The following PIP4P2 variants were observed in gnomAD, a reference collection of about 807,000 sequenced individuals.
The protein encoded by PIP4P2 is type 2 phosphatidylinositol 4,5-bisphosphate 4-phosphatase.
PIP4P2 carries 19 observed loss-of-function variants against 33.3 expected under a neutral mutation model. The observed-to-expected ratio is 0.57, with a 90% CI of 0.40 to 0.84. The LOEUF (loss-of-function observed/expected upper bound fraction) is 0.84, where lower values mean the gene tolerates loss of function less well. Among genes scored for constraint, PIP4P2 ranks in the 40% least tolerant of loss-of-function variants. PIP4P2 has a pLI of 0.00. For missense variants in PIP4P2, 270 were observed against 324.7 expected, an observed-to-expected ratio of 0.83 and a Z score of 1.29; for synonymous variants, 110 against 111.9, an observed-to-expected ratio of 0.98 and a Z score of 0.11.
intron 1 of PIP4P2, among the ~76,000 whole-genome samples, chr8:91,037,041 A>C (rs1237513758): frequency 1.3e-5 from 2 of 152,214 alleles, no homozygotes; most frequent in East Asian, 3.8e-4. Flanking sequence ...TGTACTTTAC[A>C]AAAGACCAAG....
chr8:91,015,182 G>A (rs113122103), intron 4 of PIP4P2, among the ~76,000 whole-genome samples: 4 of 152,254 alleles, frequency 2.6e-5, no homozygotes, highest in Admixed American at 6.5e-5. Context: ...GCTCCTAAAA[G>A]GCTGTCTCTC....
At chr8:91,007,062 A>G (rs946192453) in intron 5 of PIP4P2, among the ~76,000 whole-genome samples, 2 of 152,064 alleles carry the variant, frequency 1.3e-5, no homozygotes, top group Admixed American at 6.6e-5. Context: ...AATTTTGTAC[A>G]TTTTCGTGAA....
intron 4 of PIP4P2, among the ~76,000 whole-genome samples, chr8:91,013,502 G>A (rs1303458795): frequency 6.6e-6 from 1 of 151,964 alleles, no homozygotes; most frequent in Non-Finnish European, 1.5e-5. Context: ...GGTAACTATA[G>A]AGTACGTTAG....
At chr8:91,004,819 G>A (rs1405036247) in intron 5 of PIP4P2, among the ~76,000 whole-genome samples, 2 of 152,166 alleles carry the variant, frequency 1.3e-5, no homozygotes, top group Admixed American at 1.3e-4. Flanking sequence ...AGAGATAGGA[G>A]GCAATTCATT....
At chr8:91,006,077 A>C (rs1222597813) in intron 5 of PIP4P2, among the ~76,000 whole-genome samples, 1 of 152,218 alleles carries the variant, frequency 6.6e-6, no homozygotes, top group African/African-American at 2.4e-5. Flanking sequence ...AAATTTACCA[A>C]CTTCTGTAAC....
chr8:91,011,019 G>GAGATT (rs1554582257), intron 4 of PIP4P2, among the ~76,000 whole-genome samples: 2 of 145,276 alleles, frequency 1.4e-5, no homozygotes, highest in African/African-American at 5.2e-5. Context: ...GTATCTTACT[G>GAGATT]AGATAGATAG....
At chr8:91,040,591 T>TTTCCTTGCAAATCTAC in intron 1 of PIP4P2, 53 bp downstream of exon 1, 1 of 1,600,110 alleles carries the variant, frequency 6.2e-7, no homozygotes. Context: ...CTTCTGGGCG[T>TTTCCTTGCAAATCTAC]TTCCTTGCAA....
rs1192592524 is a variant in PIP4P2, at chr8:91,040,835, CGCTGCTGCCGCTGCAGCTGCTGCT to C, written c.-110_-87del. The C allele has an allele frequency of 1.8e-5, 21 of 1,167,206 alleles. No homozygotes were observed. The highest frequency in any genetic ancestry group is 2.4e-5 in the Non-Finnish European group (20 of 825,142). The allele number at this position is 1,167,206 out of a possible 1,614,324, so 72.3% of individuals were successfully genotyped here. ...TGGCTACTGCTGCTGCCTCTGCTGC[CGCTGCTGCCGCTGCAGCTGCTGCT>C]GCTGCCGCCTCCGGGAGGGCCCGGG... On this transcript the variant is annotated 5_prime_UTR_variant, in exon 1 of 7. Transcript: ENST00000285419.
chr8:91,006,468 T>C, intron 5 of PIP4P2, among the ~76,000 whole-genome samples: 1 of 152,226 alleles, frequency 6.6e-6, no homozygotes. Context: ...TACTTCCTTA[T>C]TAGTAGTAAA....
chr8:91,003,968 T>C (rs1022112879), intron 5 of PIP4P2, among the ~76,000 whole-genome samples: 3 of 150,668 alleles, frequency 2.0e-5, no homozygotes, highest in African/African-American at 7.3e-5. Flanking sequence ...GATAGATAGA[T>C]AGATAGATAG....
chr8:91,032,555 T>TG (rs1197417157), intron 1 of PIP4P2, among the ~76,000 whole-genome samples: 2 of 151,530 alleles, frequency 1.3e-5, no homozygotes, highest in Non-Finnish European at 2.9e-5. Context: ...CCAAGGTGGG[T>TG]GGATCATTTG....
At chr8:91,003,295 C>A (rs565363462) in intron 5 of PIP4P2, among the ~76,000 whole-genome samples, 91 of 152,172 alleles carry the variant, frequency 6.0e-4, no homozygotes, top group African/African-American at 2.0e-3. Flanking sequence ...AATTAGAAAA[C>A]CAATGCAATA....
At chr8:90,996,587 A>G in intron 6 of PIP4P2, 67 bp downstream of exon 6, 1 of 1,350,650 alleles carries the variant, frequency 7.4e-7, no homozygotes, top group Non-Finnish European at 1.0e-6. Context: ...AGGTTGTCCC[A>G]GGCCTCATGA....
At chr8:91,012,114 C>G (rs1283329149) in intron 4 of PIP4P2, among the ~76,000 whole-genome samples, 2 of 151,788 alleles carry the variant, frequency 1.3e-5, no homozygotes, top group Non-Finnish European at 2.9e-5. Context: ...GTCATATTTT[C>G]TTTTCTTTGA....
rs906969728 is a variant in PIP4P2, at chr8:90,995,119, G to A, written c.*558C>T. On this transcript the variant is annotated 3_prime_UTR_variant, in exon 7 of 7. Transcript: ENST00000285419. The stretch of plus-strand genomic sequence containing the variant: ...ACAAAAAACAAGCAAACAGTATCTA[G>A]AAATTTTTTTTCCTCTGACAAGAAT... 7.9e-5 allele frequency: 12 copies of A among 151,934 alleles called. No homozygotes were observed. The highest frequency in any genetic ancestry group is 2.7e-4 in the African/African-American group (11 of 41,284). The allele number at this position is 151,934 out of a possible 1,614,324, so 9.4% of individuals were successfully genotyped here.
rs143081863 is a variant in PIP4P2 at position 91,020,174 on chromosome 8, T to A, written c.345A>T (p.Gly115=). The part of the protein sequence containing the change: ...LICKDTSRRI[G]CPRPNCRRII... ...TCTCTTACCAGTTGGGTCTTGGGCA[T>A]CCTATTCGCCGAGATGTGTCCTTAC... Residue 115 remains glycine, a synonymous_variant, in exon 3 of 7, where the codon GGA becomes GGT. Coordinates refer to ENST00000285419, the MANE Select transcript of PIP4P2 (RefSeq NM_018710.3). 6 of 1,613,634 alleles carry A rather than the reference T, an allele frequency of 3.7e-6. No individual in the cohort carries two copies. The highest frequency in any genetic ancestry group is 5.1e-6 in the Non-Finnish European group (6 of 1,179,792).
intron 1 of PIP4P2, among the ~76,000 whole-genome samples, chr8:91,033,119 C>T (rs1812193978): frequency 6.6e-6 from 1 of 152,196 alleles, no homozygotes; most frequent in Non-Finnish European, 1.5e-5. Flanking sequence ...CAGGAAAATG[C>T]TACTGTACAT....
intron 1 of PIP4P2, among the ~76,000 whole-genome samples, chr8:91,023,535 T>A (rs1281798723): frequency 1.3e-5 from 2 of 151,826 alleles, no homozygotes; most frequent in Non-Finnish European, 2.9e-5. Context: ...GAATTTTTCT[T>A]CTAAGATTTG....
At chr8:91,017,076 A>G (rs1261623276) in intron 4 of PIP4P2, among the ~76,000 whole-genome samples, 2 of 152,214 alleles carry the variant, frequency 1.3e-5, no homozygotes, top group African/African-American at 4.8e-5. Context: ...TATGAAAGCA[A>G]GGAAAGGAAT....
Sources: allele counts gnomAD v4.1 joint callset (sites outside exome capture counted in the v4.1 genomes callset), GRCh38; gene constraint gnomAD v4.1.1; transcripts MANE v1.5; gene names NCBI Gene and HGNC (gene_info 2026-07-23, HGNC 2026-07-21).